Variants in FAM20C observed in about 807,000 individuals in gnomAD.
FAM20C encodes extracellular serine/threonine protein kinase FAM20C.
Under a neutral mutation model 51.5 loss-of-function variants are expected in FAM20C, and 40 were observed. The observed-to-expected ratio is 0.78, with a 90% confidence interval of 0.60 to 1.01. FAM20C has a LOEUF of 1.01. FAM20C is among the 50% of genes least tolerant of loss of function. The probability of loss-of-function intolerance (pLI) is 0.00; values close to 1 mark genes in which losing one functional copy is unlikely to be tolerated. For synonymous variants in FAM20C, 406 were observed against 380.6 expected, an observed-to-expected ratio of 1.07 and a Z score of -0.78; for missense variants, 861 against 844.7, an observed-to-expected ratio of 1.02 and a Z score of -0.24.
At position 195,563 on chromosome 7, in the gene FAM20C, G is replaced by T. The variant is rs767807372; in HGVS notation, c.615G>T (p.Ala205=). 9.5e-6 allele frequency: 15 copies of T among 1,581,392 alleles called. No homozygotes were observed. The highest frequency in any genetic ancestry group is 1.3e-5 in the Non-Finnish European group (15 of 1,161,670). Residue 205 remains alanine (A), a synonymous_variant, in exon 2 of 10, where the codon GCG becomes GCT. Coordinates refer to ENST00000313766, the MANE Select transcript of FAM20C (RefSeq NM_020223.4). ...KAAENPDWPH[A]GAEGAEFLSP... Reference sequence around the variant, plus strand: ...TCGCTGCTCCCTGCAGGCCGCATGCGGGTGCTGAAGGTGCAGAATTCCTCT... The same window carrying T: ...TCGCTGCTCCCTGCAGGCCGCATGCTGGTGCTGAAGGTGCAGAATTCCTCT...
Position 193,722 on chromosome 7 carries a change from C to T in FAM20C, c.523C>T (p.Pro175Ser). The change falls in exon 1 of 10, where the codon CCG becomes TCG. Residue 175 changes from proline to serine, a missense_variant. This residue lies in a region of FAM20C where 561 missense variants were observed against 499.8 expected (regional missense o/e 1.12). Transcript: ENST00000313766. The part of the protein sequence containing the change: ...FEHPLYRVAV[P>S]PLTEEDVLFN... Reference sequence around the variant, plus strand: ...GCACCCGCTTTACCGGGTGGCGGTTCCGCCGCTCACGGAGGAGGACGTCCT... The same window carrying T: ...GCACCCGCTTTACCGGGTGGCGGTTTCGCCGCTCACGGAGGAGGACGTCCT... 3 of 1,547,090 alleles carry T rather than the reference C, an allele frequency of 1.9e-6. No homozygotes were observed. The East Asian group carries it at 7.4e-5, about 38-fold the overall frequency.
intron 5 of FAM20C, among the ~76,000 whole-genome samples, chr7:251,800 G>A (rs1283763600): frequency 2.0e-5 from 3 of 152,128 alleles, no homozygotes; most frequent in Non-Finnish European, 2.9e-5. Context: ...GTTTTCCAGG[G>A]CAGCGCAAGT....
Position 209,412 on chromosome 7 carries a change from G to A in FAM20C, c.863+436G>A, listed in dbSNP as rs28718028. ...GTATGGTCTCTCCCTACTATTCAGC[G>A]GGTGGTCCTAGCCCCAAAGCAGCCA... On this transcript the variant is annotated intron_variant, in intron 3 of 9. Transcript: ENST00000313766. Among the ~76,000 whole-genome samples, 786 of 152,262 alleles carry A rather than the reference G, an allele frequency of 5.2e-3. 6 individuals carry two copies. Among genetic ancestry groups the A allele is most frequent in the African/African-American group, 0.018 (750 of 41,548 alleles).
chr7:228,222 T>C (rs1787519728), intron 3 of FAM20C: 1 of 327,444 alleles, frequency 3.1e-6, no homozygotes, highest in Admixed American at 3.9e-5. Flanking sequence ...AGAGAAATTC[T>C]GAGAAAATAA....
chr7:206,272 G>A (rs553367874), intron 2 of FAM20C, among the ~76,000 whole-genome samples: 4 of 152,248 alleles, frequency 2.6e-5, no homozygotes, highest in South Asian at 2.1e-4. Flanking sequence ...TGCAGCTGCC[G>A]CAGCCCCAGC....
chr7:228,293 C>A, intron 3 of FAM20C: 1 of 367,904 alleles, frequency 2.7e-6, no homozygotes, highest in Non-Finnish European at 5.5e-6. Flanking sequence ...CTGCCTGTCC[C>A]CATGGGTTCC....
intron 6 of FAM20C, chr7:256,367 C>T (rs935372169): frequency 5.3e-6 from 3 of 571,070 alleles, no homozygotes; most frequent in Admixed American, 6.2e-5. Flanking sequence ...ACGTTGTCCT[C>T]GTGAGTGTGT....
intron 2 of FAM20C, among the ~76,000 whole-genome samples, chr7:196,036 T>C (rs1355333438): frequency 6.6e-6 from 1 of 152,176 alleles, no homozygotes; most frequent in Non-Finnish European, 1.5e-5. Flanking sequence ...ACAGAGTCCT[T>C]CCCTCCTGGG....
intron 9 of FAM20C, 49 bp from the exon 10 acceptor site, chr7:259,682 A>G: frequency 6.8e-7 from 1 of 1,467,688 alleles, no homozygotes; most frequent in Non-Finnish European, 9.0e-7. Flanking sequence ...TCCCGTGGGC[A>G]GGCATCTCCC....
At chr7:220,642 G>A (rs968683110) in intron 3 of FAM20C, among the ~76,000 whole-genome samples, 1 of 152,178 alleles carries the variant, frequency 6.6e-6, no homozygotes, top group African/African-American at 2.4e-5. Context: ...TGGCATGGTC[G>A]GCAGCAGGGG....
In FAM20C at chr7:259,842, C is replaced by T. The variant is rs1788810591; in HGVS notation, c.1617C>T (p.Tyr539=). The T allele has an allele frequency of 6.5e-7, 1 of 1,536,518 alleles. No individual in the cohort carries two copies. Among genetic ancestry groups the T allele is most frequent in the Non-Finnish European group, 8.7e-7 (1 of 1,146,880 alleles). Reference sequence around the variant, plus strand: ...GGGACCAGGTGGCACCCGTGCTGTACCAGCCGCACCTGGAGGCCCTGGACC... The same window carrying T: ...GGGACCAGGTGGCACCCGTGCTGTATCAGCCGCACCTGGAGGCCCTGGACC... ...LRGDQVAPVL[Y]QPHLEALDRR... The change falls in exon 10 of 10, where the codon TAC becomes TAT. Residue 539 remains tyrosine (Y), a synonymous_variant. Transcript: ENST00000313766.
chr7:210,880 C>T (rs951057783), intron 3 of FAM20C, among the ~76,000 whole-genome samples: 2 of 152,154 alleles, frequency 1.3e-5, no homozygotes, highest in South Asian at 2.1e-4. Context: ...CTGCGGGAAC[C>T]GGCGTCTCGT....
intron 3 of FAM20C, among the ~76,000 whole-genome samples, chr7:214,155 G>A (rs893947563): frequency 1.1e-4 from 17 of 152,158 alleles, no homozygotes; most frequent in African/African-American, 1.4e-4. Context: ...GTGAAACCCC[G>A]TCTCTACTAA....
At chr7:226,318 C>T (rs555287132) in intron 3 of FAM20C, among the ~76,000 whole-genome samples, 1 of 152,120 alleles carries the variant, frequency 6.6e-6, no homozygotes, top group African/African-American at 2.4e-5. Context: ...CTAGGAGGGG[C>T]CCTGGAGGGT....
At chr7:255,178 C>T (rs897640907) in intron 5 of FAM20C, among the ~76,000 whole-genome samples, 2 of 152,200 alleles carry the variant, frequency 1.3e-5, no homozygotes, top group Admixed American at 6.5e-5. Context: ...CCGTTTCCGC[C>T]GTGGCTGTGC....
intron 3 of FAM20C, among the ~76,000 whole-genome samples, chr7:217,401 G>T: frequency 1.3e-5 from 2 of 152,266 alleles, no homozygotes; most frequent in African/African-American, 2.4e-5. Flanking sequence ...AGCCCCTCCC[G>T]GGTGCCCCCC....
At chr7:249,977 C>T (rs1343176461) in intron 5 of FAM20C, among the ~76,000 whole-genome samples, 1 of 152,144 alleles carries the variant, frequency 6.6e-6, no homozygotes, top group Non-Finnish European at 1.5e-5. Context: ...TGAAGGGACC[C>T]TCACCCCAGG....
At chr7:194,949 C>A (rs1198342839) in intron 1 of FAM20C, among the ~76,000 whole-genome samples, 1 of 152,202 alleles carries the variant, frequency 6.6e-6, no homozygotes, top group African/African-American at 2.4e-5. Flanking sequence ...GGACAGGCTG[C>A]GTGGGCGGCG....
intron 2 of FAM20C, among the ~76,000 whole-genome samples, chr7:198,149 G>C (rs34426530): frequency 0.071 from 10,816 of 152,222 alleles, 549 homozygotes; most frequent in East Asian, 0.23. Flanking sequence ...GTGGGGACCC[G>C]TCCAAGGACA....
Sources: allele counts gnomAD v4.1 joint callset (sites outside exome capture counted in the v4.1 genomes callset), GRCh38; gene constraint gnomAD v4.1.1; regional missense constraint gnomAD v4.1.1; transcripts MANE v1.5; gene names NCBI Gene and HGNC (gene_info 2026-07-23, HGNC 2026-07-21).